Variants in RORA observed in about 807,000 individuals in gnomAD.
RORA encodes the protein nuclear receptor ROR-alpha.
In RORA, 7 loss-of-function variants were observed where a neutral mutation model predicts 69.5. The ratio of observed to expected loss-of-function variants is 0.10; its 90% CI spans 0.06 to 0.19. The LOEUF (loss-of-function observed/expected upper bound fraction) is 0.19. RORA is among the 10% of genes least tolerant of loss of function. The probability of loss-of-function intolerance (pLI) is 1.00; values close to 1 mark genes in which losing one functional copy is unlikely to be tolerated. For synonymous variants in RORA, 261 were observed against 240.8 expected, an observed-to-expected ratio of 1.08 and a Z score of -0.78; for missense variants, 457 against 663.0, an observed-to-expected ratio of 0.69 and a Z score of 3.41.
At chr15:60,622,473 A>G (rs1354918431) in intron 2 of RORA, among the ~76,000 whole-genome samples, 1 of 151,546 alleles carries the variant, frequency 6.6e-6, no homozygotes, top group African/African-American at 2.4e-5. Flanking sequence ...TTAGCTGGGC[A>G]TGGTGATGTG....
chr15:61,184,146 T>G (rs1466320662), intron 1 of RORA, among the ~76,000 whole-genome samples: 5 of 152,220 alleles, frequency 3.3e-5, no homozygotes, highest in Admixed American at 3.3e-4. Context: ...TGCACTGCAT[T>G]TCACAATTTT....
intron 1 of RORA, among the ~76,000 whole-genome samples, chr15:61,042,852 G>A (rs182856430): frequency 3.3e-5 from 5 of 152,232 alleles, no homozygotes; most frequent in Admixed American, 2.0e-4. Context: ...TTTTTCTTAC[G>A]GAAATAGAAA....
chr15:60,549,744 C>G (rs1372502597), intron 2 of RORA, among the ~76,000 whole-genome samples: 1 of 152,100 alleles, frequency 6.6e-6, no homozygotes. Flanking sequence ...ACTCTCCACC[C>G]CCTCCCATCT....
At chr15:60,914,699 G>T (rs1177824862) in intron 1 of RORA, among the ~76,000 whole-genome samples, 2 of 152,216 alleles carry the variant, frequency 1.3e-5, no homozygotes, top group Admixed American at 1.3e-4. Flanking sequence ...TGACTGGGAA[G>T]TAATCTGTGA....
At chr15:60,990,346 G>A (rs1443333988) in intron 1 of RORA, among the ~76,000 whole-genome samples, 1 of 152,076 alleles carries the variant, frequency 6.6e-6, no homozygotes, top group Non-Finnish European at 1.5e-5. Context: ...AATTATACTT[G>A]TGTCACATTA....
At chr15:60,819,746 GACACAC>G (rs59044853) in intron 1 of RORA, among the ~76,000 whole-genome samples, 5,029 of 119,278 alleles carry the variant, frequency 0.042, 131 homozygotes, top group East Asian at 0.13. Flanking sequence ...GTCAAACCCA[GACACAC>G]ACACACACAC....
chr15:60,592,665 GCGCCCCAGCGCCGCGCCC>G (rs2068566725), intron 2 of RORA: 1 of 1,086,882 alleles, frequency 9.2e-7, no homozygotes, highest in Non-Finnish European at 1.1e-6. Flanking sequence ...GGAGGCAGGC[GCGCCCCAGCGCCGCGCCC>G]CGCCCCGCCC....
At chr15:60,793,971 G>A (rs139476916) in intron 1 of RORA, among the ~76,000 whole-genome samples, 118 of 152,256 alleles carry the variant, frequency 7.8e-4, no homozygotes, top group African/African-American at 2.7e-3. Flanking sequence ...ACTCTAGAAC[G>A]GGTTCTTTGA....
intron 1 of RORA, among the ~76,000 whole-genome samples, chr15:60,680,475 G>T (rs903462853): frequency 2.1e-4 from 32 of 151,854 alleles, no homozygotes; most frequent in Admixed American, 2.1e-3. Flanking sequence ...ATTGATAATA[G>T]ATTTTGAAAA....
At chr15:60,873,689 G>A (rs2073583675) in intron 1 of RORA, among the ~76,000 whole-genome samples, 1 of 152,132 alleles carries the variant, frequency 6.6e-6, no homozygotes, top group African/African-American at 2.4e-5. Flanking sequence ...ATGTTTCTAA[G>A]TTTGTTCTGG....
At chr15:60,738,832 A>G (rs2071536692) in intron 1 of RORA, among the ~76,000 whole-genome samples, 1 of 152,174 alleles carries the variant, frequency 6.6e-6, no homozygotes, top group Non-Finnish European at 1.5e-5. Flanking sequence ...GCTTCCTTTG[A>G]AGGTGCTAGG....
chr15:61,228,088 G>C (rs2080164735), intron 1 of RORA, among the ~76,000 whole-genome samples: 3 of 151,972 alleles, frequency 2.0e-5, no homozygotes, highest in Admixed American at 2.0e-4. Flanking sequence ...GCCAGGGGAG[G>C]AGAAAACATT....
chr15:60,552,733 C>A (rs1288954719), intron 2 of RORA, among the ~76,000 whole-genome samples: 1 of 152,218 alleles, frequency 6.6e-6, no homozygotes, highest in Non-Finnish European at 1.5e-5. Context: ...TCAATTGGGG[C>A]AGGCATCTTC....
intron 1 of RORA, among the ~76,000 whole-genome samples, chr15:60,684,859 C>G (rs1347210033): frequency 3.3e-5 from 5 of 152,132 alleles, no homozygotes; most frequent in Non-Finnish European, 7.4e-5. Flanking sequence ...TTTATTCTCC[C>G]TCCCTGCAAG....
At chr15:61,194,885 T>G (rs945679585) in intron 1 of RORA, among the ~76,000 whole-genome samples, 1 of 151,938 alleles carries the variant, frequency 6.6e-6, no homozygotes, top group Admixed American at 6.6e-5. Flanking sequence ...CCTTGTAATA[T>G]AGAGATAATT....
chr15:60,704,904 C>G (rs1006604140), intron 1 of RORA, among the ~76,000 whole-genome samples: 3 of 152,200 alleles, frequency 2.0e-5, no homozygotes, highest in African/African-American at 7.2e-5. Flanking sequence ...TTGCTCCCCA[C>G]TCTGACCTAC....
intron 1 of RORA, among the ~76,000 whole-genome samples, chr15:60,890,587 A>G (rs2073803278): frequency 6.6e-6 from 1 of 152,220 alleles, no homozygotes; most frequent in South Asian, 2.1e-4. Flanking sequence ...CACAGGGACC[A>G]GAGAGAGCAG....
chr15:60,733,480 C>T lies in RORA; in HGVS notation c.167-54794G>A, dbSNP rs114513525. 2.3e-3 allele frequency among the ~76,000 whole-genome samples: 347 copies of T among 152,304 alleles called. 3 individuals carry two copies. The highest frequency in any genetic ancestry group is 8.1e-3 in the African/African-American group (335 of 41,568). ...TTACTGTGAGATACCAAGGAAATAA[C>T]ACACTTTGACGTGAGATCTTTAGAT... On this transcript the variant is annotated intron_variant, in intron 1 of 10. Transcript: ENST00000335670.
At chr15:61,010,880 A>G (rs926046302) in intron 1 of RORA, among the ~76,000 whole-genome samples, 2 of 152,126 alleles carry the variant, frequency 1.3e-5, no homozygotes, top group Admixed American at 6.6e-5. Flanking sequence ...ACTTACATCA[A>G]TGAGCCTGGT....
Sources: gnomAD v4.1 joint callset for allele counts (sites outside exome capture counted in the v4.1 genomes callset) on GRCh38, gnomAD v4.1.1 for gene constraint, MANE v1.5 for transcripts, NCBI Gene and HGNC (gene_info 2026-07-23, HGNC 2026-07-21) for gene names.